The following TENM1 variants were observed in gnomAD, a reference collection of about 807,000 sequenced individuals.
The protein encoded by TENM1 is teneurin-1.
TENM1 carries 35 observed loss-of-function variants against 174.8 expected under a neutral mutation model. The ratio of observed to expected loss-of-function variants is 0.20; its 90% CI spans 0.15 to 0.27. TENM1 has a LOEUF of 0.27. TENM1 is among the 10% of genes least tolerant of loss of function. The pLI, the probability that TENM1 is intolerant of heterozygous loss-of-function variation, is 1.00. For synonymous variants in TENM1, 781 were observed against 798.7 expected, an observed-to-expected ratio of 0.98 and a Z score of 0.37; for missense variants, 1,633 against 2,130.1, an observed-to-expected ratio of 0.77 and a Z score of 4.59.
chrX:124,414,623 T>C (rs752211311), intron 25 of TENM1, among the ~76,000 whole-genome samples: 1 of 111,357 alleles, frequency 9.0e-6, no homozygotes, highest in East Asian at 2.8e-4. Flanking sequence ...GTGTGCAATT[T>C]TGATCCTGGT....
chrX:124,418,557 C>T (rs533199958), intron 25 of TENM1, among the ~76,000 whole-genome samples: 26 of 111,766 alleles, frequency 2.3e-4, no homozygotes, highest in African/African-American at 8.5e-4. Context: ...ATACATCTTC[C>T]TCATCTTCCT....
At chrX:125,098,366 A>G in the TENM1 span, among the ~76,000 whole-genome samples, 1 of 112,360 alleles carries the variant, frequency 8.9e-6, no homozygotes, top group African/African-American at 3.2e-5. Flanking sequence ...GCATACATAA[A>G]TATTTGTTGA....
At chrX:124,398,120 C>T (rs1000881637) in intron 27 of TENM1, among the ~76,000 whole-genome samples, 1 of 108,478 alleles carries the variant, frequency 9.2e-6, no homozygotes, top group Admixed American at 9.8e-5. Flanking sequence ...CCCAGCTACT[C>T]GGAAGGCTGA....
At chrX:124,722,739 C>T (rs1197150125) in intron 4 of TENM1, among the ~76,000 whole-genome samples, 1 of 104,230 alleles carries the variant, frequency 9.6e-6, no homozygotes, top group East Asian at 3.1e-4. Context: ...ACTTGGGAGG[C>T]TGAGGTAGGA....
chrX:124,484,174 G>A lies in TENM1; in HGVS notation c.3717-2210C>T, dbSNP rs185286707. Among the ~76,000 whole-genome samples, 19 of 111,441 alleles carry A rather than the reference G, an allele frequency of 1.7e-4. No homozygotes were observed. The East Asian group carries it at 5.4e-3, about 32-fold the overall frequency. On this transcript the variant is annotated intron_variant, in intron 21 of 31. Transcript: ENST00000422452. ...GATTGTTTTTTCTTACAGTTAGACA[G>A]GGGTGATAGGCTTTTGGGAGGAAGA...
chrX:124,412,501 A>C (rs781182870), intron 25 of TENM1, among the ~76,000 whole-genome samples: 1 of 112,707 alleles, frequency 8.9e-6, no homozygotes, highest in Non-Finnish European at 1.9e-5. Flanking sequence ...GCTTTAAAAA[A>C]AAATTGCAGA....
chrX:125,115,079 G>T, the TENM1 span, among the ~76,000 whole-genome samples: 1 of 111,550 alleles, frequency 9.0e-6, no homozygotes, highest in Non-Finnish European at 1.9e-5. Context: ...TGCAAGGCTG[G>T]TTCAACATAT....
intron 14 of TENM1, among the ~76,000 whole-genome samples, chrX:124,547,314 T>C (rs2048453319): frequency 8.9e-6 from 1 of 112,158 alleles, no homozygotes; most frequent in Non-Finnish European, 1.9e-5. Context: ...AATTTTTCTT[T>C]CCTGAATTAT....
At chrX:124,740,140 G>A (rs770261694) in intron 3 of TENM1, among the ~76,000 whole-genome samples, 66 of 111,663 alleles carry the variant, frequency 5.9e-4, no homozygotes, top group Non-Finnish European at 1.0e-3. Context: ...TGACCCGAGG[G>A]AAGGGAGGAA....
At chrX:124,516,174 T>C (rs1042105201) in intron 18 of TENM1, among the ~76,000 whole-genome samples, 3 of 111,994 alleles carry the variant, frequency 2.7e-5, no homozygotes, top group Non-Finnish European at 3.8e-5. Context: ...CTGGACCCCT[T>C]ACTTACACCA....
intron 11 of TENM1, among the ~76,000 whole-genome samples, chrX:124,583,595 G>A (rs370212141): frequency 0.18 from 19,076 of 108,138 alleles, 1,405 homozygotes; most frequent in South Asian, 0.33. Context: ...AAAAAACAGA[G>A]CAGAAAAACT....
chrX:124,507,815 A>G (rs1263689871), intron 18 of TENM1, among the ~76,000 whole-genome samples: 3 of 112,013 alleles, frequency 2.7e-5, no homozygotes, highest in Non-Finnish European at 5.6e-5. Flanking sequence ...GACTTTCAAC[A>G]GCTTCAGGCT....
chrX:124,747,830 G>C (rs1321086701), intron 3 of TENM1, among the ~76,000 whole-genome samples: 3 of 110,583 alleles, frequency 2.7e-5, no homozygotes, highest in African/African-American at 9.9e-5. Context: ...GTGTGATCTG[G>C]GTTCCTGGAT....
intron 20 of TENM1, among the ~76,000 whole-genome samples, chrX:124,495,230 T>C (rs1210611540): frequency 3.0e-5 from 3 of 101,277 alleles, no homozygotes; most frequent in African/African-American, 7.2e-5. Context: ...TGGTATCTCA[T>C]TGTGGTTTTG....
intron 1 of TENM1, among the ~76,000 whole-genome samples, chrX:124,913,568 C>T (rs1603273849): frequency 8.9e-6 from 1 of 111,810 alleles, no homozygotes; most frequent in East Asian, 2.8e-4. Context: ...GCACACAATT[C>T]TCACATTGTG....
intron 1 of TENM1, among the ~76,000 whole-genome samples, chrX:124,903,487 AT>A (rs1201172255): frequency 1.8e-5 from 2 of 112,312 alleles, no homozygotes; most frequent in Non-Finnish European, 3.8e-5. Context: ...CTCCAATCAT[AT>A]TTAGAGAGAG....
intron 11 of TENM1, among the ~76,000 whole-genome samples, chrX:124,605,924 G>C (rs1247829368): frequency 9.0e-6 from 1 of 111,698 alleles, no homozygotes; most frequent in Non-Finnish European, 1.9e-5. Context: ...GTATATTAAA[G>C]TCTGAACTTT....
intron 11 of TENM1, among the ~76,000 whole-genome samples, chrX:124,570,106 T>G (rs2049024682): frequency 9.0e-6 from 1 of 111,342 alleles, no homozygotes; most frequent in Non-Finnish European, 1.9e-5. Flanking sequence ...TGCCAATACA[T>G]CTGAAATTTT....
chrX:125,143,214 T>A, the TENM1 span, among the ~76,000 whole-genome samples: 2 of 111,527 alleles, frequency 1.8e-5, no homozygotes, highest in Admixed American at 1.9e-4. Flanking sequence ...CAGAGATAAA[T>A]GGGTTCCCAA....
Sources: allele counts gnomAD v4.1 joint callset (sites outside exome capture counted in the v4.1 genomes callset), GRCh38; gene constraint gnomAD v4.1.1; transcripts MANE v1.5; gene names NCBI Gene and HGNC (gene_info 2026-07-23, HGNC 2026-07-21).